ZNF219: variants seen among roughly 807,000 people sequenced by gnomAD.
ZNF219 encodes the protein zinc finger protein 219.
In ZNF219, 17 loss-of-function variants were observed where a neutral mutation model predicts 54.4. The ratio of observed to expected loss-of-function variants is 0.31; its 90% CI spans 0.21 to 0.47. The LOEUF is 0.47. Ranked by LOEUF, ZNF219 falls within the 20% of genes least tolerant of loss-of-function variation. The pLI, the probability that ZNF219 is intolerant of heterozygous loss-of-function variation, is 1.00. For missense variants in ZNF219, 1,014 were observed against 1,062.3 expected (o/e 0.95, Z 0.63); for synonymous variants, 518 against 476.4 (o/e 1.09, Z -1.14).
At chr14:21,098,821 G>A, upstream of ZNF219, 1 of 1,288,182 alleles carries the variant, frequency 7.8e-7, no homozygotes, top group Non-Finnish European at 1.0e-6. Flanking sequence ...CAGGGAAGGA[G>A]TTGGCTCTGC....
rs753793687 is a variant in ZNF219 at position 21,091,479 on chromosome 14, T to G, written c.1496A>C (p.Asp499Ala). ...PEGGRGATGK[D>A]CPFCGKSFRS... Reference sequence around the variant, plus strand: ...GAAAGATTTTCCGCAGAAAGGACAATCCTTGCCGGTGGCGCCCCGGCCCCC... The same window carrying G: ...GAAAGATTTTCCGCAGAAAGGACAAGCCTTGCCGGTGGCGCCCCGGCCCCC... The change falls in exon 4 of 5, where the codon GAT (aspartate) becomes GCT (alanine). Residue 499 changes from aspartate to alanine, a missense_variant. By Grantham distance (126) the Asp-to-Ala change is moderately radical (BLOSUM62 -2). Around this residue, in one of 5 missense-constraint regions of ZNF219, gnomAD observed 38 missense variants for 67.3 expected, o/e 0.56. Coordinates refer to ENST00000360947, the MANE Select transcript of ZNF219 (RefSeq NM_016423.3). The G allele has an allele frequency of 4.1e-5, 66 of 1,610,090 alleles. 1 individual carries two copies. The highest frequency in any genetic ancestry group is 4.9e-5 in the Non-Finnish European group (58 of 1,177,160).
At chr14:21,098,810 C>G (rs1056556788), upstream of ZNF219, 47 of 1,287,744 alleles carry the variant, frequency 3.6e-5, no homozygotes, top group Non-Finnish European at 4.7e-5. Flanking sequence ...CCCGGACATA[C>G]CAGGGAAGGA....
At position 21,092,482 on chromosome 14, in the gene ZNF219, G is replaced by A. The variant is rs1888991231; in HGVS notation, c.815C>T (p.Pro272Leu). 1.3e-6 allele frequency: 2 copies of A among 1,553,286 alleles called. No homozygotes were observed. The highest frequency in any genetic ancestry group is 1.4e-5 in the African/African-American group (1 of 73,226). Residue 272 changes from proline (P) to leucine (L), a missense_variant, in exon 3 of 5, where the codon CCG becomes CTG. Physicochemically the swap from Pro to Leu is moderately conservative, Grantham distance 98 (BLOSUM62 -3). Coordinates refer to ENST00000360947, the MANE Select transcript of ZNF219 (RefSeq NM_016423.3). ...GCCGCACACTTGGCAGCGGAACTCC[G>A]GAGGCGCTGGGGGCTCCTCGGGAGC... ...PAAPEEPPAP[P>L]EFRCQVCGQS...
At chr14:21,093,517 A>C (rs562973313) in intron 2 of ZNF219, 69 bp downstream of exon 2, 1 of 1,563,778 alleles carries the variant, frequency 6.4e-7, no homozygotes, top group African/African-American at 1.4e-5. Flanking sequence ...TCAAAGAGAG[A>C]GAGAGGTAGG....
chr14:21,093,157 C>T lies in ZNF219; in HGVS notation c.140G>A (p.Trp47Ter). The T allele has an allele frequency of 6.2e-7, 1 of 1,610,434 alleles. No homozygotes were observed. Among genetic ancestry groups the T allele is most frequent in the Non-Finnish European group, 8.5e-7 (1 of 1,179,382 alleles). ...AGSLGMGAVS[W>*]SESRAGERRF... ...CCGTTCGCCTGCACGACTCTCAGAC[C>T]AGCTCACCGCTCCCATCCCGAGCGA... The change falls in exon 3 of 5, where the codon TGG becomes TAG. Residue 47 changes from tryptophan to a stop codon, truncating the protein, a stop_gained. Coordinates refer to ENST00000360947, the MANE Select transcript of ZNF219 (RefSeq NM_016423.3). LOFTEE classifies it high-confidence loss of function.
At position 21,091,072 on chromosome 14, in the gene ZNF219, G is replaced by A. The variant is rs1228934472; in HGVS notation, c.1633C>T (p.Leu545=). 4 of 1,568,916 alleles carry A rather than the reference G, an allele frequency of 2.5e-6. No homozygotes were observed. In the African/African-American group the frequency reaches 5.4e-5, roughly 21 times the overall value. The change falls in exon 5 of 5, where the codon CTA becomes TTA. Residue 545 remains leucine, a synonymous_variant. Coordinates refer to ENST00000360947, the MANE Select transcript of ZNF219 (RefSeq NM_016423.3). ...CTCTGCTCCCGGTGGTGGCGCTGTA[G>A]GTGATACTTGAGCGAGCCGGACTGG... The part of the protein sequence containing the change: ...GTQSGSLKYH[L]QRHHREQRSG...
chr14:21,094,074 C>T (rs989844928), intron 1 of ZNF219, among the ~76,000 whole-genome samples: 1 of 152,164 alleles, frequency 6.6e-6, no homozygotes, highest in Admixed American at 6.5e-5. Context: ...TCTGAGATCC[C>T]TAACTGAGCA....
chr14:21,102,630 C>T (rs1246922916), upstream of ZNF219: 2 of 1,551,378 alleles, frequency 1.3e-6, no homozygotes, highest in South Asian at 2.4e-5. Context: ...TGTCTACCTG[C>T]AGCATGCTGG....
At position 21,090,518 on chromosome 14, in the gene ZNF219, A is replaced by C; in HGVS notation, c.*18T>G. 6.4e-7 allele frequency: 1 copy of C among 1,571,550 alleles called. No individual in the cohort carries two copies. The highest frequency in any genetic ancestry group is 1.1e-5 in the South Asian group (1 of 87,004). On this transcript the variant is annotated 3_prime_UTR_variant, in exon 5 of 5. Coordinates refer to ENST00000360947, the MANE Select transcript of ZNF219 (RefSeq NM_016423.3). The surrounding 1 kb of genome is among the most constrained non-coding windows in gnomAD (Gnocchi z 4.4). ...CCGGCGGGGTAAGCTCACTAAGCTA[A>C]TCGCCCCTGAGGGCCCACTACCGTT... is the stretch of plus-strand genomic sequence containing the variant.
At chr14:21,102,851 G>A, upstream of ZNF219, 1 of 1,507,318 alleles carries the variant, frequency 6.6e-7, no homozygotes, top group Non-Finnish European at 8.8e-7. Flanking sequence ...CCTGGTCAGT[G>A]GCACTTAAGG....
At chr14:21,098,670 GAGGGAGGGAGGA>G, upstream of ZNF219, 1 of 1,026,418 alleles carries the variant, frequency 9.7e-7, no homozygotes, top group Non-Finnish European at 1.2e-6. Context: ...GGCGCTGTCG[GAGGGAGGGAGGA>G]AGGGAGGGAG....
In ZNF219 at chr14:21,090,720, G is replaced by A; in HGVS notation, c.1985C>T (p.Ala662Val). The A allele has an allele frequency of 6.2e-7, 1 of 1,610,690 alleles. No individual in the cohort carries two copies. Among genetic ancestry groups the A allele is most frequent in the Non-Finnish European group, 8.5e-7 (1 of 1,179,252 alleles). ...PFATGAPELM[A>V]LHLQVHHSRR... ...GCTGTGGTGCACTTGAAGGTGCAAGGCCATGAGCTCTGGGGCTCCAGTGGC... is the reference window on the plus strand; with the variant it reads ...GCTGTGGTGCACTTGAAGGTGCAAGACCATGAGCTCTGGGGCTCCAGTGGC... The change falls in exon 5 of 5, where the codon GCC becomes GTC. Residue 662 changes from alanine (A) to valine (V), a missense_variant. Transcript: ENST00000360947. This position sits in a 1 kb window ranked among gnomAD's most constrained non-coding sequence, Gnocchi z 4.4.
chr14:21,091,893 C>T lies in ZNF219; in HGVS notation c.1404G>A (p.Gly468=), dbSNP rs1472966583. 1 of 1,580,014 alleles carries T rather than the reference C, an allele frequency of 6.3e-7. No homozygotes were observed. The highest frequency in any genetic ancestry group is 8.6e-7 in the Non-Finnish European group (1 of 1,166,250). The part of the protein sequence containing the change: ...EGPGHSASAA[G]AQARSTATQE... ...GCGTGGCGGTCGATCTTGCCTGGGC[C>T]CCAGCAGCAGAGGCAGAGTGCCCCG... Residue 468 remains glycine (G), a synonymous_variant, in exon 3 of 5, where the codon GGG becomes GGA. Coordinates refer to ENST00000360947, the MANE Select transcript of ZNF219 (RefSeq NM_016423.3).
chr14:21,095,395 G>A (rs146232215), intron 1 of ZNF219, among the ~76,000 whole-genome samples: 3 of 152,338 alleles, frequency 2.0e-5, no homozygotes, highest in East Asian at 3.9e-4. Flanking sequence ...TAGGACTGAA[G>A]GGTACAAGGC....
At chr14:21,101,303 C>T (rs1427251342), upstream of ZNF219, 12 of 1,540,700 alleles carry the variant, frequency 7.8e-6, no homozygotes, top group Non-Finnish European at 9.7e-6. Flanking sequence ...ACGCATTTTT[C>T]CCAGCCTAGG....
chr14:21,098,486 G>A lies in ZNF219; in HGVS notation c.-258C>T. 3 of 981,040 alleles carry A rather than the reference G, an allele frequency of 3.1e-6. No homozygotes were observed. The highest frequency in any genetic ancestry group is 1.8e-5 in the African/African-American group (1 of 56,914). The allele number at this position is 981,040 out of a possible 1,614,324, so 60.8% of individuals were successfully genotyped here. Reference sequence around the variant, plus strand: ...CCCCGGTCCCCCGCCCCCGGCCCTGGCCCGCATTGTGTGCGGCGGGAGGCG... The same window carrying A: ...CCCCGGTCCCCCGCCCCCGGCCCTGACCCGCATTGTGTGCGGCGGGAGGCG... On this transcript the variant is annotated 5_prime_UTR_variant, in exon 1 of 5. Transcript: ENST00000360947.
chr14:21,101,459 C>G, upstream of ZNF219: 1 of 1,550,252 alleles, frequency 6.5e-7, no homozygotes, highest in Non-Finnish European at 8.7e-7. Context: ...GCGGTGAGGC[C>G]AGGCTACCCC....
chr14:21,098,256 G>T, intron 1 of ZNF219, 56 bp downstream of exon 1: 1 of 148,062 alleles, frequency 6.8e-6, no homozygotes, highest in South Asian at 1.9e-4. Flanking sequence ...GGGGGCCGGG[G>T]GCGGGGGCCG....
chr14:21,093,981 C>G (rs190629209), intron 1 of ZNF219, among the ~76,000 whole-genome samples: 3 of 152,180 alleles, frequency 2.0e-5, no homozygotes, highest in Non-Finnish European at 4.4e-5. Context: ...TGCCCCTCTC[C>G]CATGTAGGTT....
Sources: allele counts gnomAD v4.1 joint callset (sites outside exome capture counted in the v4.1 genomes callset), GRCh38; gene constraint gnomAD v4.1.1; regional missense constraint gnomAD v4.1.1; non-coding constraint Gnocchi (gnomAD v3.1); transcripts MANE v1.5; gene names NCBI Gene and HGNC (gene_info 2026-07-23, HGNC 2026-07-21).